FRMPD4: variants seen among roughly 807,000 people sequenced by gnomAD.
FRMPD4 encodes FERM and PDZ domain containing 4.
In FRMPD4, 22 loss-of-function variants were observed where a neutral mutation model predicts 94.1. The observed-to-expected ratio is 0.23, with a 90% CI of 0.17 to 0.33. The LOEUF is 0.33. FRMPD4 is among the 10% of genes least tolerant of loss of function. FRMPD4 has a pLI of 1.00. For missense variants in FRMPD4, 1,111 were observed against 1,339.9 expected, an observed-to-expected ratio of 0.83 and a Z score of 2.67; for synonymous variants, 631 against 548.6, an observed-to-expected ratio of 1.15 and a Z score of -2.10.
intron 2 of FRMPD4, among the ~76,000 whole-genome samples, chrX:12,579,558 G>T (rs192154074): frequency 4.3e-4 from 48 of 112,107 alleles, no homozygotes; most frequent in Non-Finnish European, 7.7e-4. Flanking sequence ...ACCGGACTGG[G>T]CATGCTCTGT....
At chrX:11,933,729 G>A (rs111849295) in intron 3 of FRMPD4, among the ~76,000 whole-genome samples, 8,010 of 111,751 alleles carry the variant, frequency 0.072, 252 homozygotes, top group East Asian at 0.18. Flanking sequence ...ATTTGGTGAC[G>A]TTATTGAGGC....
intron 13 of FRMPD4, among the ~76,000 whole-genome samples, chrX:12,708,185 A>G (rs886714108): frequency 3.6e-5 from 4 of 111,498 alleles, no homozygotes; most frequent in Non-Finnish European, 7.5e-5. Context: ...TTAAAACAAA[A>G]ATCTGGCCAG....
intron 1 of FRMPD4, among the ~76,000 whole-genome samples, chrX:12,474,609 T>A (rs988058055): frequency 6.3e-5 from 7 of 111,149 alleles, no homozygotes; most frequent in African/African-American, 2.0e-4. Flanking sequence ...ATAGACGCAA[T>A]AAATAATGAT....
intron 1 of FRMPD4, among the ~76,000 whole-genome samples, chrX:12,449,523 A>C (rs1012536264): frequency 1.8e-5 from 2 of 112,422 alleles, no homozygotes; most frequent in Admixed American, 1.9e-4. Flanking sequence ...ATAATCCAAC[A>C]AAATATAATA....
intron 3 of FRMPD4, among the ~76,000 whole-genome samples, chrX:12,104,919 C>G (rs1005102380): frequency 8.9e-6 from 1 of 111,810 alleles, no homozygotes; most frequent in African/African-American, 3.3e-5. Flanking sequence ...CATGCAATAG[C>G]TTTGTCAAGT....
chrX:11,927,096 A>G (rs1013679344), intron 3 of FRMPD4, among the ~76,000 whole-genome samples: 1 of 110,848 alleles, frequency 9.0e-6, no homozygotes, highest in Non-Finnish European at 1.9e-5. Flanking sequence ...GCATTCCTAT[A>G]TACCAACAAC....
At chrX:12,650,270 G>C (rs1202786007) in intron 4 of FRMPD4, among the ~76,000 whole-genome samples, 1 of 111,937 alleles carries the variant, frequency 8.9e-6, no homozygotes, top group African/African-American at 3.2e-5. Flanking sequence ...CAAACAGACA[G>C]CAGGAGAGTG....
intron 3 of FRMPD4, among the ~76,000 whole-genome samples, chrX:11,898,317 G>T (rs950944172): frequency 1.2e-4 from 13 of 111,934 alleles, no homozygotes; most frequent in Non-Finnish European, 1.7e-4. Context: ...AGTGAGGAAA[G>T]CAGGCACTCA....
Position 12,717,912 on chromosome X carries a change from G to A in FRMPD4, c.3086G>A (p.Ser1029Asn), listed in dbSNP as rs1286244867. The change falls in exon 16 of 17, where the codon AGC becomes AAC. Residue 1029 changes from serine (S) to asparagine (N), a missense_variant. Physicochemically the swap from Ser to Asn is conservative, Grantham distance 46. This residue lies in a region of FRMPD4 where 551 missense variants were observed against 591.6 expected (regional missense o/e 0.93). Transcript: ENST00000675598. Reference sequence around the variant, plus strand: ...TACTCCTGCACTAGCAAAAGGAAAAGCAAGCTGGCCGATGGTGAGGGGAAG... The same window carrying A: ...TACTCCTGCACTAGCAAAAGGAAAAACAAGCTGGCCGATGGTGAGGGGAAG... Reference protein sequence around the residue: ...VAYSCTSKRKSKLADGEGKAP... With the variant: ...VAYSCTSKRKNKLADGEGKAP... The A allele has an allele frequency of 8.3e-7, 1 of 1,210,608 alleles. No individual in the cohort carries two copies. Among genetic ancestry groups the A allele is most frequent in the African/African-American group, 1.7e-5 (1 of 57,277 alleles).
intron 1 of FRMPD4, among the ~76,000 whole-genome samples, chrX:12,334,928 C>CGGATT (rs2055493053): frequency 1.8e-5 from 2 of 110,589 alleles, no homozygotes; most frequent in Admixed American, 1.9e-4. Context: ...TATCTCATTG[C>CGGATT]ATCCTCTCAA....
At chrX:12,480,802 A>AT (rs764435693) in intron 1 of FRMPD4, among the ~76,000 whole-genome samples, 5 of 112,716 alleles carry the variant, frequency 4.4e-5, no homozygotes, top group South Asian at 3.7e-4. Flanking sequence ...AAATAATTTC[A>AT]TACTGTCTAA....
intron 1 of FRMPD4, among the ~76,000 whole-genome samples, chrX:12,474,263 G>A (rs1169805728): frequency 9.0e-6 from 1 of 110,793 alleles, no homozygotes; most frequent in Non-Finnish European, 1.9e-5. Flanking sequence ...TGAAACCAAC[G>A]AGAACAAAGA....
Position 11,890,153 on chromosome X carries a change from T to G in FRMPD4, c.95+12135T>G, listed in dbSNP as rs780252521. Among the ~76,000 whole-genome samples the G allele has an allele frequency of 8.0e-5, 9 of 112,478 alleles. No homozygotes were observed. The South Asian group carries it at 3.3e-3, about 42-fold the overall frequency. On this transcript the variant is annotated intron_variant, in intron 3 of 18. Coordinates refer to the FRMPD4 transcript ENST00000640291. Reference sequence around the variant, plus strand: ...TGGTAGCAAGGAAGGATTGTGAAATTATCTAGGTAAACTTTTAAATTTTTG... The same window carrying G: ...TGGTAGCAAGGAAGGATTGTGAAATGATCTAGGTAAACTTTTAAATTTTTG...
intron 1 of FRMPD4, among the ~76,000 whole-genome samples, chrX:12,361,333 G>GAAGGAC (rs2147991625): frequency 8.9e-6 from 1 of 112,547 alleles, no homozygotes; most frequent in Non-Finnish European, 1.9e-5. Context: ...GGAAACCTCT[G>GAAGGAC]TAGGACTGCA....
intron 3 of FRMPD4, among the ~76,000 whole-genome samples, chrX:11,897,150 C>CAAAAAAAAA (rs997285182): frequency 2.5e-5 from 1 of 40,662 alleles, no homozygotes; most frequent in Non-Finnish European, 4.8e-5. Context: ...GGATGAATTA[C>CAAAAAAAAA]AAAAAAAAAA....
At chrX:11,962,122 T>C (rs2054287130) in intron 3 of FRMPD4, among the ~76,000 whole-genome samples, 2 of 112,483 alleles carry the variant, frequency 1.8e-5, no homozygotes, top group Admixed American at 1.9e-4. Flanking sequence ...CCATTCCTAC[T>C]GCTATAACAA....
intron 4 of FRMPD4, among the ~76,000 whole-genome samples, chrX:12,626,817 T>C (rs1279561960): frequency 9.2e-6 from 1 of 108,170 alleles, no homozygotes; most frequent in East Asian, 2.9e-4. Flanking sequence ...AATTAGATCC[T>C]AGCACACCTG....
Position 12,587,372 on chromosome X carries a change from T to A in FRMPD4, c.159-22349T>A, listed in dbSNP as rs753062652. ...TAATGTTTTGCAACCATCATCACTA[T>A]CTAGTTCCAGAACATTTTCATTACC... On this transcript the variant is annotated intron_variant, in intron 2 of 16. Coordinates refer to ENST00000675598, the MANE Select transcript of FRMPD4 (RefSeq NM_001368397.1). Among the ~76,000 whole-genome samples the A allele has an allele frequency of 3.6e-5, 4 of 111,859 alleles. No individual in the cohort carries two copies. The South Asian group carries it at 1.1e-3, about 32-fold the overall frequency.
At chrX:12,092,357 AT>A (rs1401876863) in intron 3 of FRMPD4, among the ~76,000 whole-genome samples, 3 of 112,179 alleles carry the variant, frequency 2.7e-5, no homozygotes, top group African/African-American at 9.7e-5. Context: ...TGAAACTTTG[AT>A]GTTTTCCTCG....
Sources: allele counts gnomAD v4.1 joint callset (sites outside exome capture counted in the v4.1 genomes callset), GRCh38; gene constraint gnomAD v4.1.1; regional missense constraint gnomAD v4.1.1; transcripts MANE v1.5; gene names NCBI Gene and HGNC (gene_info 2026-07-23, HGNC 2026-07-21).